The following HAUS7 variants were observed in gnomAD, a reference collection of about 807,000 sequenced individuals.
HAUS7 encodes HAUS augmin-like complex subunit 7.
Under a neutral mutation model 28.4 loss-of-function variants are expected in HAUS7, and 3 were observed. The observed-to-expected ratio is 0.11, with a 90% CI of 0.05 to 0.27. HAUS7 has a LOEUF of 0.27. Among genes scored for constraint, HAUS7 ranks in the 10% least tolerant of loss-of-function variants. The pLI is 1.00. For missense variants in HAUS7, 284 were observed against 297.3 expected (o/e 0.96, Z 0.33); for synonymous variants, 165 against 132.1 (o/e 1.25, Z -1.71).
intron 1 of HAUS7, among the ~76,000 whole-genome samples, chrX:153,480,388 G>A: frequency 9.0e-6 from 1 of 111,229 alleles, no homozygotes. Flanking sequence ...TGGGTTACTG[G>A]CCCCAGGGGC....
intron 3 of HAUS7, among the ~76,000 whole-genome samples, chrX:153,464,301 G>A (rs1249254601): frequency 7.1e-5 from 8 of 112,749 alleles, no homozygotes; most frequent in African/African-American, 2.6e-4. Context: ...CAGGGAGAAG[G>A]GCAGTGCCTC....
chrX:153,483,347 G>A (rs1325110842), intron 1 of HAUS7: 2 of 754,148 alleles, frequency 2.7e-6, no homozygotes, highest in African/African-American at 2.3e-5. Flanking sequence ...GGTGGCGGAG[G>A]GCGCACTGAG....
chrX:153,472,759 G>A (rs1472284424), upstream of HAUS7, among the ~76,000 whole-genome samples: 1 of 109,257 alleles, frequency 9.2e-6, no homozygotes, highest in African/African-American at 3.3e-5. Flanking sequence ...GGGGGAGGGA[G>A]GGGGCACATC....
chrX:153,486,132 G>A (rs973908973), intron 1 of HAUS7: 22 of 869,562 alleles, frequency 2.5e-5, no homozygotes, highest in African/African-American at 1.1e-4. Context: ...ACCTGTGGCC[G>A]TCTCCACCCC....
intron 1 of HAUS7, among the ~76,000 whole-genome samples, chrX:153,469,889 G>A (rs782499813): frequency 9.0e-6 from 1 of 111,183 alleles, no homozygotes; most frequent in East Asian, 2.8e-4. Flanking sequence ...AGCCAGTCGC[G>A]GACAGGATGG....
intron 9 of HAUS7, among the ~76,000 whole-genome samples, chrX:153,450,375 G>A (rs781946853): frequency 2.7e-5 from 3 of 111,664 alleles, no homozygotes; most frequent in African/African-American, 6.5e-5. Flanking sequence ...GGGTCTCGCC[G>A]GGGAGGTGGG....
intron 4 of HAUS7, among the ~76,000 whole-genome samples, chrX:153,460,236 T>C (rs1339661622): frequency 3.6e-5 from 4 of 112,136 alleles, no homozygotes; most frequent in Non-Finnish European, 7.5e-5. Flanking sequence ...GGTAACTCAG[T>C]GGCTGCCAAG....
chrX:153,480,135 G>A (rs2089589750), intron 1 of HAUS7, among the ~76,000 whole-genome samples: 1 of 111,824 alleles, frequency 8.9e-6, no homozygotes, highest in Non-Finnish European at 1.9e-5. Flanking sequence ...CAAAGGGGAT[G>A]CTGGGGAAAC....
intron 1 of HAUS7, among the ~76,000 whole-genome samples, chrX:153,478,615 T>C (rs2089578234): frequency 8.9e-6 from 1 of 112,180 alleles, no homozygotes; most frequent in South Asian, 3.7e-4. Context: ...TACCCCATTT[T>C]ACAGAGGAGA....
chrX:153,470,899 A>T (rs2089517366), upstream of HAUS7: 11 of 351,620 alleles, frequency 3.1e-5, no homozygotes, highest in African/African-American at 7.7e-5. Context: ...CGAACGGGCC[A>T]AGCTGGCTCT....
intron 1 of HAUS7, chrX:153,481,102 C>G (rs896558132): frequency 9.4e-6 from 6 of 639,366 alleles, no homozygotes; most frequent in Non-Finnish European, 1.1e-5. Flanking sequence ...GGCACTGCCC[C>G]GTTCCCGGTG....
chrX:153,479,715 G>T (rs2089586351), intron 1 of HAUS7, among the ~76,000 whole-genome samples: 1 of 111,629 alleles, frequency 9.0e-6, no homozygotes, highest in Non-Finnish European at 1.9e-5. Context: ...GGCTTGAGGG[G>T]CCCGAGGACA....
intron 9 of HAUS7, among the ~76,000 whole-genome samples, chrX:153,449,377 T>A (rs924989691): frequency 8.9e-6 from 1 of 112,179 alleles, no homozygotes; most frequent in Non-Finnish European, 1.9e-5. Flanking sequence ...CCCAGGACCC[T>A]CTCCACTCGC....
At chrX:153,483,431 T>C in intron 1 of HAUS7, 1 of 755,795 alleles carries the variant, frequency 1.3e-6, no homozygotes, top group Non-Finnish European at 1.6e-6. Context: ...ACCCCGAGCC[T>C]GGATTCATCT....
intron 1 of HAUS7, among the ~76,000 whole-genome samples, chrX:153,488,640 G>A (rs1313699432): frequency 1.8e-5 from 2 of 112,423 alleles, no homozygotes; most frequent in Non-Finnish European, 3.8e-5. Context: ...AGCAGCCCAC[G>A]AGGCGCTGGC....
At chrX:153,474,867 G>C (rs1469248350), upstream of HAUS7, among the ~76,000 whole-genome samples, 6 of 111,760 alleles carry the variant, frequency 5.4e-5, no homozygotes, top group Admixed American at 3.7e-4. Context: ...AAACGGCGGC[G>C]GGCGGGATCG....
In HAUS7 at chrX:153,468,179, T is replaced by C. The variant is rs186220919; in HGVS notation, c.224+967A>G. 3.8e-3 allele frequency among the ~76,000 whole-genome samples: 422 copies of C among 112,371 alleles called. 2 individuals are homozygous for C. Among genetic ancestry groups the C allele is most frequent in the Non-Finnish European group, 6.6e-3 (353 of 53,137 alleles). On this transcript the variant is annotated intron_variant, in intron 2 of 9. Transcript: ENST00000370211. ...CTGGGGGCCTGTATCCAGCTGGGCG[T>C]CCTGCTGATGTCTCTGGTCCTGGCG...
At chrX:153,479,078 G>A (rs1359365151) in intron 1 of HAUS7, among the ~76,000 whole-genome samples, 5 of 110,843 alleles carry the variant, frequency 4.5e-5, no homozygotes, top group African/African-American at 1.3e-4. Context: ...GGGCAAGGTC[G>A]GGGGAGGCGT....
Position 153,456,169 on chromosome X carries a change from G to A in HAUS7, c.705+96C>T, listed in dbSNP as rs782009041. 567 of 653,315 alleles carry A rather than the reference G, an allele frequency of 8.7e-4. 1 individual carries two copies. The highest frequency in any genetic ancestry group is 1.2e-3 in the Non-Finnish European group (465 of 402,646). 53.8% of individuals were successfully genotyped at this position (653,315 alleles called of 1,213,427 possible). A position where few individuals can be genotyped will look rare whatever the true frequency, so the allele number is the denominator to read the frequency against. ...TATTCTAGAACATGTCAGGCCCGGTGCACAGGCAACCTCGCCTAAGCCTCA... is the reference window on the plus strand; with the variant it reads ...TATTCTAGAACATGTCAGGCCCGGTACACAGGCAACCTCGCCTAAGCCTCA... On this transcript the variant is annotated intron_variant, in intron 7 of 9. Transcript: ENST00000370211.
Sources: gnomAD v4.1 joint callset for allele counts (sites outside exome capture counted in the v4.1 genomes callset) on GRCh38, gnomAD v4.1.1 for gene constraint, MANE v1.5 for transcripts, NCBI Gene and HGNC (gene_info 2026-07-23, HGNC 2026-07-21) for gene names.